ZCWPW2: variants seen among roughly 807,000 people sequenced by gnomAD.
ZCWPW2 encodes zinc finger CW-type and PWWP domain containing 2.
A neutral mutation model predicts 46.6 loss-of-function variants in ZCWPW2; 45 were observed. The observed-to-expected ratio is 0.96, with a 90% CI of 0.76 to 1.24. The LOEUF is 1.24. Among genes scored for constraint, ZCWPW2 ranks in the 50% most tolerant of loss-of-function variants. The pLI is 0.00. For synonymous variants in ZCWPW2, 152 were observed against 137.1 expected, an observed-to-expected ratio of 1.11 and a Z score of -0.76; for missense variants, 429 against 403.9, an observed-to-expected ratio of 1.06 and a Z score of -0.53.
At chr3:28,478,189 A>C (rs962848109) in intron 4 of ZCWPW2, 1 of 176,450 alleles carries the variant, frequency 5.7e-6, no homozygotes, top group African/African-American at 2.4e-5. Context: ...ATTTGTATGC[A>C]TATGTTAATA....
intron 3 of ZCWPW2, among the ~76,000 whole-genome samples, chr3:28,428,800 C>G (rs144684114): frequency 4.4e-4 from 67 of 152,272 alleles, no homozygotes; most frequent in African/African-American, 1.4e-3. Context: ...TCCCCCTTCA[C>G]TTGGCACTAT....
intron 1 of ZCWPW2, among the ~76,000 whole-genome samples, chr3:28,381,117 T>A (rs1293048673): frequency 7.1e-6 from 1 of 140,498 alleles, no homozygotes; most frequent in African/African-American, 2.6e-5. Flanking sequence ...AAGTCTTTAC[T>A]GAATTCTCTT....
At chr3:28,507,496 T>C (rs1361493943) in intron 6 of ZCWPW2, among the ~76,000 whole-genome samples, 1 of 152,070 alleles carries the variant, frequency 6.6e-6, no homozygotes, top group Non-Finnish European at 1.5e-5. Context: ...ATATTCTTTT[T>C]TTTTTTTTGA....
At chr3:28,401,070 T>C (rs1280131794) in intron 2 of ZCWPW2, among the ~76,000 whole-genome samples, 2 of 151,656 alleles carry the variant, frequency 1.3e-5, no homozygotes, top group Admixed American at 1.3e-4. Flanking sequence ...TCCCAGCTAC[T>C]CGGGAGGCTG....
chr3:28,473,284 C>T (rs1292376586), intron 4 of ZCWPW2, among the ~76,000 whole-genome samples: 23 of 151,938 alleles, frequency 1.5e-4, no homozygotes, highest in South Asian at 1.0e-3. Flanking sequence ...AAGACCAGCC[C>T]GCCCAACATG....
Position 28,496,191 on chromosome 3 carries a change from C to T in ZCWPW2, c.657+4018C>T, listed in dbSNP as rs145043507. 2.5e-3 allele frequency among the ~76,000 whole-genome samples: 387 copies of T among 151,772 alleles called. 1 individual carries two copies. The highest frequency in any genetic ancestry group is 8.4e-3 in the African/African-American group (346 of 41,422). ...CCATAAAAGGTAAAAGTGTAGTTACCGAGAAACCGTGGAAGGAATTTACAG... is the reference window on the plus strand; with the variant it reads ...CCATAAAAGGTAAAAGTGTAGTTACTGAGAAACCGTGGAAGGAATTTACAG... On this transcript the variant is annotated intron_variant, in intron 6 of 9. Transcript: ENST00000383768.
chr3:28,385,390 ACC>A (rs1695233947), intron 1 of ZCWPW2, among the ~76,000 whole-genome samples: 4 of 152,164 alleles, frequency 2.6e-5, no homozygotes, highest in African/African-American at 9.7e-5. Context: ...GAGAAATACC[ACC>A]TCATCCCCTG....
intron 1 of ZCWPW2, among the ~76,000 whole-genome samples, chr3:28,356,265 T>C (rs1704726543): frequency 6.6e-6 from 1 of 152,246 alleles, no homozygotes; most frequent in Non-Finnish European, 1.5e-5. Flanking sequence ...TCATCATCAC[T>C]GGCCATCAGA....
intron 5 of ZCWPW2, among the ~76,000 whole-genome samples, chr3:28,484,324 A>C (rs1252800681): frequency 6.6e-6 from 1 of 152,084 alleles, no homozygotes; most frequent in Non-Finnish European, 1.5e-5. Flanking sequence ...TTCTCTGCTT[A>C]TATCTTCTGG....
intron 3 of ZCWPW2, among the ~76,000 whole-genome samples, chr3:28,423,167 T>C (rs1360508500): frequency 3.9e-5 from 6 of 152,118 alleles, no homozygotes; most frequent in Non-Finnish European, 8.8e-5. Context: ...ATCTTATTCT[T>C]TTGACAGTGA....
At chr3:28,451,410 C>CACT (rs1195413306) in intron 4 of ZCWPW2, among the ~76,000 whole-genome samples, 2 of 152,166 alleles carry the variant, frequency 1.3e-5, no homozygotes, top group Non-Finnish European at 1.5e-5. Context: ...TCTCTTTGTA[C>CACT]ACTATGCCAA....
intron 1 of ZCWPW2, among the ~76,000 whole-genome samples, chr3:28,354,814 A>G (rs1704671686): frequency 1.2e-5 from 1 of 86,732 alleles, no homozygotes; most frequent in African/African-American, 4.4e-5. Context: ...CCTTCATGCT[A>G]AAAACTCTCA....
At chr3:28,516,604 C>A (rs1700580976) in intron 8 of ZCWPW2, among the ~76,000 whole-genome samples, 1 of 152,186 alleles carries the variant, frequency 6.6e-6, no homozygotes, top group Non-Finnish European at 1.5e-5. Context: ...GCCCATTAAA[C>A]CCTGAGGAGT....
Position 28,524,607 on chromosome 3 carries a change from G to T in ZCWPW2, c.990G>T (p.Gly330=), listed in dbSNP as rs1348321575. The part of the protein sequence containing the change: ...HYEEDYLVID[G]IKLKAGECIE... ...AAGAGGACTATCTTGTAATTGATGG[G>T]ATAAAATTAAAAGCTGGAGAATGTA... The change falls in exon 10 of 10, where the codon GGG becomes GGT. Residue 330 remains glycine (G), a synonymous_variant. Coordinates refer to ENST00000383768, the MANE Select transcript of ZCWPW2 (RefSeq NM_001040432.4). 2 of 1,608,206 alleles carry T rather than the reference G, an allele frequency of 1.2e-6. No individual in the cohort carries two copies. The highest frequency in any genetic ancestry group is 1.7e-5 in the Admixed American group (1 of 59,154).
chr3:28,349,283 A>G, intron 1 of ZCWPW2, 80 bp downstream of exon 1: 1 of 882,446 alleles, frequency 1.1e-6, no homozygotes, highest in Non-Finnish European at 1.4e-6. Context: ...TTTTTCACTC[A>G]GTGTCCTTTT....
At chr3:28,461,997 AT>A (rs2125788969) in intron 4 of ZCWPW2, among the ~76,000 whole-genome samples, 1 of 152,114 alleles carries the variant, frequency 6.6e-6, no homozygotes, top group Non-Finnish European at 1.5e-5. Context: ...TCTTGATTGT[AT>A]TTTTCTCTTT....
Position 28,405,133 on chromosome 3 carries a change from C to T in ZCWPW2, c.-13-7923C>T, listed in dbSNP as rs1239309633. 2.6e-5 allele frequency among the ~76,000 whole-genome samples: 4 copies of T among 152,122 alleles called. No individual in the cohort carries two copies. The East Asian group carries it at 7.7e-4, about 29-fold the overall frequency. On this transcript the variant is annotated intron_variant, in intron 2 of 9. Coordinates refer to ENST00000383768, the MANE Select transcript of ZCWPW2 (RefSeq NM_001040432.4). ...AAATGTGGTTATGGAATTCCTAAAG[C>T]TTATTCATATAAACGTACTTTTCCT... is the stretch of plus-strand genomic sequence containing the variant.
intron 1 of ZCWPW2, among the ~76,000 whole-genome samples, chr3:28,376,335 C>G (rs1389697445): frequency 6.6e-6 from 1 of 152,068 alleles, no homozygotes; most frequent in Non-Finnish European, 1.5e-5. Flanking sequence ...CACTTTAACT[C>G]CATTCCTCTC....
At chr3:28,400,593 C>T (rs1053448709) in intron 2 of ZCWPW2, among the ~76,000 whole-genome samples, 12 of 152,298 alleles carry the variant, frequency 7.9e-5, no homozygotes, top group African/African-American at 2.6e-4. Flanking sequence ...GGAGATTTCT[C>T]AGCAGAAACC....
Sources: allele counts gnomAD v4.1 joint callset (sites outside exome capture counted in the v4.1 genomes callset), GRCh38; gene constraint gnomAD v4.1.1; transcripts MANE v1.5; gene names NCBI Gene and HGNC (gene_info 2026-07-23, HGNC 2026-07-21).